The following GABPB2 variants were observed in gnomAD, a reference collection of about 807,000 sequenced individuals.
GABPB2 encodes GA binding protein transcription factor subunit beta 2, also known as GA-binding protein subunit beta-2.
GABPB2 carries 23 observed loss-of-function variants against 39.1 expected under a neutral mutation model. The observed-to-expected ratio is 0.59, with a 90% CI of 0.42 to 0.83. The LOEUF (loss-of-function observed/expected upper bound fraction) is 0.83. Among genes scored for constraint, GABPB2 ranks in the 40% least tolerant of loss-of-function variants. The pLI is 0.00. For synonymous variants in GABPB2, 184 were observed against 199.3 expected, an observed-to-expected ratio of 0.92 and a Z score of 0.65; for missense variants, 467 against 541.1, an observed-to-expected ratio of 0.86 and a Z score of 1.36.
chr1:151,090,242 C>A (rs1205262878), intron 2 of GABPB2, among the ~76,000 whole-genome samples, 164 bp from the exon 3 acceptor site: 7 of 152,180 alleles, frequency 4.6e-5, no homozygotes. Flanking sequence ...GTGCACCTGG[C>A]CCCTGGCCTT....
intron 7 of GABPB2, among the ~76,000 whole-genome samples, chr1:151,108,934 C>A (rs907286432): frequency 1.3e-5 from 2 of 152,094 alleles, no homozygotes; most frequent in Non-Finnish European, 2.9e-5. Context: ...ATCCTGTAAT[C>A]CTAGCACTTT....
chr1:151,078,469 T>C (rs868403500), intron 1 of GABPB2, among the ~76,000 whole-genome samples: 7 of 151,360 alleles, frequency 4.6e-5, no homozygotes, highest in African/African-American at 1.7e-4. Flanking sequence ...GGCGGGTGCC[T>C]GTAGTCCCAG....
At chr1:151,113,191 G>A (rs1188276247) in intron 7 of GABPB2, among the ~76,000 whole-genome samples, 6 of 151,982 alleles carry the variant, frequency 3.9e-5, no homozygotes, top group Non-Finnish European at 4.4e-5. Flanking sequence ...GTGATTGGCC[G>A]GGTGCGGTGG....
At chr1:151,094,423 A>C (rs1678952538) in intron 4 of GABPB2, among the ~76,000 whole-genome samples, 1 of 140,886 alleles carries the variant, frequency 7.1e-6, no homozygotes. Flanking sequence ...GTGCAATGGC[A>C]CGATCTCGGC....
chr1:151,107,666 C>T (rs987509078), intron 7 of GABPB2, among the ~76,000 whole-genome samples: 4 of 151,914 alleles, frequency 2.6e-5, no homozygotes, highest in African/African-American at 9.7e-5. Flanking sequence ...CTGGGTGAGG[C>T]GGCTCACGGC....
intron 3 of GABPB2, 105 bp downstream of exon 3, chr1:151,090,678 A>G (rs895142132): frequency 8.6e-7 from 1 of 1,169,392 alleles, no homozygotes; most frequent in Non-Finnish European, 1.2e-6. Flanking sequence ...GATTAAGTTT[A>G]GGACAGTTAT....
Position 151,094,028 on chromosome 1 carries a change from T to C in GABPB2, c.471+642T>C, listed in dbSNP as rs994424292. Among the ~76,000 whole-genome samples, 5 of 146,726 alleles carry C rather than the reference T, an allele frequency of 3.4e-5. No individual in the cohort carries two copies. The East Asian group carries it at 8.1e-4, about 24-fold the overall frequency. On this transcript the variant is annotated intron_variant, in intron 4 of 8. Coordinates refer to ENST00000368918, the MANE Select transcript of GABPB2 (RefSeq NM_144618.3). Reference sequence around the variant, plus strand: ...AGCCACTTCAGAATTTAAAATTAACTGTGATGATTTCGTCCTTTTTTTTTT... The same window carrying C: ...AGCCACTTCAGAATTTAAAATTAACCGTGATGATTTCGTCCTTTTTTTTTT...
In GABPB2 at chr1:151,124,999, T is replaced by C. The variant is rs1681322089; in HGVS notation, c.*6743T>C. On this transcript the variant is annotated 3_prime_UTR_variant, in exon 9 of 9. Transcript: ENST00000368918. ...TTGTGATTCCATTGTTCCTATCTCATTGAGGCTTTCCCAGGCATTCGAATT... is the reference window on the plus strand; with the variant it reads ...TTGTGATTCCATTGTTCCTATCTCACTGAGGCTTTCCCAGGCATTCGAATT... 1 of 151,500 alleles carries C rather than the reference T, an allele frequency of 6.6e-6. No homozygotes were observed. The highest frequency in any genetic ancestry group is 6.6e-5 in the Admixed American group (1 of 15,164). 9.4% of individuals were successfully genotyped at this position (151,500 alleles called of 1,614,324 possible).
intron 1 of GABPB2, among the ~76,000 whole-genome samples, chr1:151,081,075 A>G (rs1677644345): frequency 6.7e-6 from 1 of 149,746 alleles, no homozygotes; most frequent in Non-Finnish European, 1.5e-5. Context: ...GGGTTTCACC[A>G]TGTTAGCCAG....
At chr1:151,071,094 C>T (rs1316827476) in intron 1 of GABPB2, among the ~76,000 whole-genome samples, 160 bp downstream of exon 1, 4 of 137,610 alleles carry the variant, frequency 2.9e-5, no homozygotes, top group African/African-American at 1.1e-4. Context: ...GGGAGGGGGA[C>T]GGGGAGGAAG....
chr1:151,088,397 T>G (rs1678383849), intron 2 of GABPB2, 100 bp downstream of exon 2: 20 of 1,244,936 alleles, frequency 1.6e-5, no homozygotes, highest in Non-Finnish European at 2.3e-5. Flanking sequence ...TCACTCCCTT[T>G]CTACCTCATA....
intron 4 of GABPB2, among the ~76,000 whole-genome samples, chr1:151,097,003 C>T (rs1019874472): frequency 6.6e-6 from 1 of 152,084 alleles, no homozygotes; most frequent in Non-Finnish European, 1.5e-5. Flanking sequence ...TCTTGGCCTC[C>T]TGGGTTCAAG....
chr1:151,091,523 C>T (rs1360062137), intron 3 of GABPB2, among the ~76,000 whole-genome samples: 1 of 137,152 alleles, frequency 7.3e-6, no homozygotes, highest in African/African-American at 2.7e-5. Flanking sequence ...CGCCCAGGCT[C>T]GAGTGCGGTG....
intron 2 of GABPB2, chr1:151,088,597 T>A: frequency 2.5e-6 from 1 of 407,640 alleles, no homozygotes; most frequent in Non-Finnish European, 4.3e-6. Context: ...TGTACTTGGG[T>A]TATAGGCTTC....
intron 3 of GABPB2, among the ~76,000 whole-genome samples, chr1:151,091,556 C>T (rs1373452957): frequency 1.3e-5 from 2 of 148,624 alleles, no homozygotes; most frequent in Admixed American, 1.4e-4. Context: ...CTCATTGTAA[C>T]CTTCGCCTCC....
chr1:151,111,277 T>G (rs1325926701), intron 7 of GABPB2, among the ~76,000 whole-genome samples: 1 of 150,724 alleles, frequency 6.6e-6, no homozygotes, highest in Non-Finnish European at 1.5e-5. Flanking sequence ...GGAGTCTTGC[T>G]CTGTCACCCA....
chr1:151,103,649 C>T lies in GABPB2; in HGVS notation c.710C>T (p.Pro237Leu), dbSNP rs1571959377. 6.2e-7 allele frequency: 1 copy of T among 1,613,786 alleles called. No homozygotes were observed. The highest frequency in any genetic ancestry group is 8.5e-7 in the Non-Finnish European group (1 of 1,179,684). The stretch of plus-strand genomic sequence containing the variant: ...GCAGCTCTTGCTGAGGCATCAGTCC[C>T]CCTCTCCAACTCACACAGAGCCACA... ...TLAALAEASV[P>L]LSNSHRATAN... The change falls in exon 6 of 9, where the codon CCC (proline) becomes CTC (leucine). Residue 237 changes from proline to leucine, a missense_variant. Transcript: ENST00000368918.
chr1:151,093,403 A>G lies in GABPB2; in HGVS notation c.471+17A>G. 6.5e-7 allele frequency: 1 copy of G among 1,547,626 alleles called. No individual in the cohort carries two copies. Among genetic ancestry groups the G allele is most frequent in the Non-Finnish European group, 8.7e-7 (1 of 1,145,758 alleles). ...ATCCTCCAGGTGTGGTTCTTTTTATACTCTCCAGAATGTATGTTAATTGAA... is the reference window on the plus strand; with the variant it reads ...ATCCTCCAGGTGTGGTTCTTTTTATGCTCTCCAGAATGTATGTTAATTGAA... On this transcript the variant is annotated intron_variant, in intron 4 of 8. Coordinates refer to ENST00000368918, the MANE Select transcript of GABPB2 (RefSeq NM_144618.3).
At chr1:151,097,791 GAAAGACAGAAAAGA>G in intron 4 of GABPB2, 47 bp from the exon 5 acceptor site, 1 of 1,355,356 alleles carries the variant, frequency 7.4e-7, no homozygotes, top group Non-Finnish European at 1.0e-6. Flanking sequence ...AAAAAAAAAA[GAAAGACAGAAAAGA>G]AAAGCTAATA....
Sources: allele counts gnomAD v4.1 joint callset (sites outside exome capture counted in the v4.1 genomes callset), GRCh38; gene constraint gnomAD v4.1.1; transcripts MANE v1.5; gene names NCBI Gene and HGNC (gene_info 2026-07-23, HGNC 2026-07-21).